The following PDE4D variants were observed in gnomAD, a reference collection of about 807,000 sequenced individuals.
The protein encoded by PDE4D is phosphodiesterase 4D.
In PDE4D, 24 loss-of-function variants were observed where a neutral mutation model predicts 87.4. That is an observed-to-expected ratio of 0.27 (90% CI 0.20 to 0.39). PDE4D has a LOEUF of 0.39. Ranked by LOEUF, PDE4D falls within the 10% of genes least tolerant of loss-of-function variation. The pLI, the probability that PDE4D is intolerant of heterozygous loss-of-function variation, is 1.00. For synonymous variants in PDE4D, 384 were observed against 383.2 expected (o/e 1.00, Z -0.02); for missense variants, 714 against 1,041.0 (o/e 0.69, Z 4.32).
At chr5:59,681,858 G>A (rs185185648) in intron 1 of PDE4D, among the ~76,000 whole-genome samples, 9 of 141,126 alleles carry the variant, frequency 6.4e-5, no homozygotes, top group East Asian at 4.2e-4. Context: ...CCGAGGCGGA[G>A]TCACTGCACT....
intron 1 of PDE4D, among the ~76,000 whole-genome samples, chr5:59,757,054 T>C (rs1761353317): frequency 6.6e-6 from 1 of 152,160 alleles, no homozygotes; most frequent in East Asian, 1.9e-4. Flanking sequence ...TGCCTCAGCC[T>C]CCCAAAGTGC....
In PDE4D at chr5:59,172,004, TAAA is replaced by T. The variant is rs1453942063; in HGVS notation, c.808+8588_808+8590del. On this transcript the variant is annotated intron_variant, in intron 5 of 14. Transcript: ENST00000340635. ...TAATAAATATATATTATATATATAA[TAAA>T]TATATATTATATATATAATAAATAT... 1.7e-3 allele frequency among the ~76,000 whole-genome samples: 115 copies of T among 69,532 alleles called. 6 individuals carry two copies. The highest frequency in any genetic ancestry group is 2.3e-3 in the Non-Finnish European group (96 of 42,516). The allele number at this position is 69,532 out of a possible 152,430, so 45.6% of individuals were successfully genotyped here. A position where few individuals can be genotyped will look rare whatever the true frequency, so the allele number is the denominator to read the frequency against.
At chr5:59,261,525 G>C (rs1201957715) in intron 1 of PDE4D, among the ~76,000 whole-genome samples, 1 of 151,730 alleles carries the variant, frequency 6.6e-6, no homozygotes, top group Non-Finnish European at 1.5e-5. Context: ...TAAAAATAAA[G>C]GTCTCCCGAA....
chr5:59,137,277 T>C (rs1201369024), intron 5 of PDE4D, among the ~76,000 whole-genome samples: 4 of 152,152 alleles, frequency 2.6e-5, no homozygotes, highest in African/African-American at 9.7e-5. Flanking sequence ...AGAAATGTTT[T>C]TGGAGTTTAT....
At chr5:60,248,635 C>A (rs1282809133) in intron 1 of PDE4D, among the ~76,000 whole-genome samples, 1 of 152,014 alleles carries the variant, frequency 6.6e-6, no homozygotes, top group African/African-American at 2.4e-5. Context: ...CTTCACAATT[C>A]TTTCATGACC....
chr5:59,165,337 G>A (rs189106356), intron 5 of PDE4D, among the ~76,000 whole-genome samples: 37 of 152,166 alleles, frequency 2.4e-4, no homozygotes, highest in African/African-American at 8.7e-4. Context: ...GCAGTGGCAC[G>A]ATCTCAGCTT....
intron 1 of PDE4D, among the ~76,000 whole-genome samples, chr5:60,385,407 G>A (rs914054012): frequency 1.7e-4 from 26 of 152,214 alleles, no homozygotes; most frequent in African/African-American, 5.8e-4. Flanking sequence ...TTGTCTGAGC[G>A]ATGCTCTCAA....
intron 3 of PDE4D, among the ~76,000 whole-genome samples, chr5:59,959,744 A>G (rs1453198390): frequency 6.6e-6 from 1 of 152,210 alleles, no homozygotes; most frequent in Non-Finnish European, 1.5e-5. Context: ...TAAAAATCCT[A>G]GAATAAAACC....
intron 1 of PDE4D, among the ~76,000 whole-genome samples, chr5:59,454,168 T>G (rs937740962): frequency 2.6e-5 from 4 of 152,144 alleles, no homozygotes. Flanking sequence ...ATATAAAGAT[T>G]TTTAAAAATA....
At chr5:59,243,765 T>C (rs1440568564) in intron 1 of PDE4D, among the ~76,000 whole-genome samples, 1 of 152,050 alleles carries the variant, frequency 6.6e-6, no homozygotes, top group Non-Finnish European at 1.5e-5. Context: ...TGTTTTTTTA[T>C]ATGTAGGCTT....
intron 1 of PDE4D, among the ~76,000 whole-genome samples, chr5:59,697,819 T>C (rs1382569294): frequency 6.6e-6 from 1 of 152,214 alleles, no homozygotes; most frequent in Non-Finnish European, 1.5e-5. Context: ...GGCAGGTTGA[T>C]ATCAGCTAGA....
intron 1 of PDE4D, among the ~76,000 whole-genome samples, chr5:59,746,689 C>T (rs1759656939): frequency 6.6e-6 from 1 of 152,104 alleles, no homozygotes; most frequent in Non-Finnish European, 1.5e-5. Context: ...GCAAAATCTC[C>T]TTATGCTCCT....
chr5:60,063,714 T>G (rs1279162393), intron 2 of PDE4D, among the ~76,000 whole-genome samples: 1 of 152,136 alleles, frequency 6.6e-6, no homozygotes, highest in Non-Finnish European at 1.5e-5. Context: ...TAAGTAAGTA[T>G]AACTGATTTT....
At chr5:59,002,113 T>C (rs748379766) in intron 6 of PDE4D, 31 of 505,636 alleles carry the variant, frequency 6.1e-5, no homozygotes, top group East Asian at 3.9e-4. Flanking sequence ...CTGAGAGAAA[T>C]AGAAAGTAAC....
intron 1 of PDE4D, among the ~76,000 whole-genome samples, chr5:60,396,121 C>A (rs1286665215): frequency 3.9e-5 from 6 of 152,214 alleles, no homozygotes; most frequent in Non-Finnish European, 7.3e-5. Flanking sequence ...GGGGGCACTG[C>A]TCTTTTCTGT....
chr5:59,639,881 GT>G (rs1741270235), intron 1 of PDE4D, among the ~76,000 whole-genome samples: 1 of 149,640 alleles, frequency 6.7e-6, no homozygotes, highest in Admixed American at 6.7e-5. Flanking sequence ...TACACAGGAA[GT>G]TTCTTTGGTT....
chr5:59,681,831 G>A (rs761224734), intron 1 of PDE4D, among the ~76,000 whole-genome samples: 16 of 150,738 alleles, frequency 1.1e-4, no homozygotes, highest in Middle Eastern at 3.2e-3. Context: ...AACCCGGGAG[G>A]TGGAGGTTGC....
chr5:59,156,682 A>G (rs1316168014), intron 5 of PDE4D, among the ~76,000 whole-genome samples: 1 of 152,210 alleles, frequency 6.6e-6, no homozygotes, highest in East Asian at 1.9e-4. Context: ...GGAAAAAGAA[A>G]TCAACTTCTG....
At chr5:59,745,317 G>A (rs991553061) in intron 1 of PDE4D, among the ~76,000 whole-genome samples, 5 of 151,908 alleles carry the variant, frequency 3.3e-5, no homozygotes, top group Admixed American at 1.3e-4. Flanking sequence ...ATGCTCCATG[G>A]AGCCTTCAAT....
Sources: allele counts gnomAD v4.1 joint callset (sites outside exome capture counted in the v4.1 genomes callset), GRCh38; gene constraint gnomAD v4.1.1; transcripts MANE v1.5; gene names NCBI Gene and HGNC (gene_info 2026-07-23, HGNC 2026-07-21).